Variants in KLRD1 observed in about 807,000 individuals in gnomAD.
The protein encoded by KLRD1 is killer cell lectin like receptor D1.
KLRD1 carries 21 observed loss-of-function variants against 22.6 expected under a neutral mutation model. The ratio of observed to expected loss-of-function variants is 0.93; its 90% CI spans 0.66 to 1.34. The LOEUF is 1.34. Ranked by LOEUF, KLRD1 falls within the 40% of genes most tolerant of loss-of-function variation. The pLI, the probability that KLRD1 is intolerant of heterozygous loss-of-function variation, is 0.00. For synonymous variants in KLRD1, 59 were observed against 71.1 expected, an observed-to-expected ratio of 0.83 and a Z score of 0.85; for missense variants, 183 against 208.6, an observed-to-expected ratio of 0.88 and a Z score of 0.76.
chr12:10,261,967 G>A (rs913897986), intron 1 of KLRD1, among the ~76,000 whole-genome samples: 1 of 151,950 alleles, frequency 6.6e-6, no homozygotes, highest in African/African-American at 2.4e-5. Flanking sequence ...TCTATGTGAT[G>A]TTTTCCCCCA....
intron 1 of KLRD1, among the ~76,000 whole-genome samples, chr12:10,273,165 C>T (rs1346217125): frequency 6.6e-6 from 1 of 151,868 alleles, no homozygotes; most frequent in East Asian, 1.9e-4. Flanking sequence ...ATAATGAAAA[C>T]AATTAGTACT....
At chr12:10,281,444 T>C (rs1949641517) in intron 1 of KLRD1, among the ~76,000 whole-genome samples, 2 of 152,048 alleles carry the variant, frequency 1.3e-5, no homozygotes, top group Admixed American at 6.6e-5. Flanking sequence ...GAGTGATAGG[T>C]GGGATATAGC....
Position 10,315,186 on chromosome 12 carries a change from A to C in KLRD1, c.*393A>C. 8.7e-6 allele frequency: 3 copies of C among 345,804 alleles called. No homozygotes were observed. The highest frequency in any genetic ancestry group is 1.7e-5 in the Non-Finnish European group (3 of 179,014). 21.4% of individuals were successfully genotyped at this position (345,804 alleles called of 1,614,324 possible). Reference sequence around the variant, plus strand: ...TAACTCACACTGCCCAGGCTGGAGCATAGTGGCAAGATCATAGCTCATTGC... The same window carrying C: ...TAACTCACACTGCCCAGGCTGGAGCCTAGTGGCAAGATCATAGCTCATTGC... On this transcript the variant is annotated 3_prime_UTR_variant, in exon 6 of 6. Coordinates refer to ENST00000336164, the MANE Select transcript of KLRD1 (RefSeq NM_002262.5).
At position 10,309,440 on chromosome 12, in the gene KLRD1, C is replaced by A. The variant is rs1592083822; in HGVS notation, c.60C>A (p.Cys20Ter). ...TTTCTGGGACCTTAGGGATAATATG[C>A]CTTTCGTTGATGTCTACGTTGGGAA... ...RLISGTLGIICLSLMSTLGIL... is the reference protein window; with the variant it reads ...RLISGTLGII Residue 20 changes from cysteine to a stop codon, truncating the protein, a stop_gained, in exon 2 of 6, where the codon TGC becomes TGA. Transcript: ENST00000336164. LOFTEE classifies it high-confidence loss of function. 6.4e-7 allele frequency: 1 copy of A among 1,554,048 alleles called. No individual in the cohort carries two copies. The highest frequency in any genetic ancestry group is 8.9e-7 in the Non-Finnish European group (1 of 1,125,052).
chr12:10,270,426 C>G (rs1949539039), intron 1 of KLRD1, among the ~76,000 whole-genome samples: 3 of 152,110 alleles, frequency 2.0e-5, no homozygotes, highest in Non-Finnish European at 1.5e-5. Flanking sequence ...ATCACAGCAA[C>G]AATGCACCAT....
intron 1 of KLRD1, among the ~76,000 whole-genome samples, chr12:10,282,258 ATT>A (rs753332995): frequency 2.8e-5 from 4 of 143,458 alleles, no homozygotes; most frequent in Non-Finnish European, 4.6e-5. Flanking sequence ...GTATACATAC[ATT>A]TTTTTTTTTT....
chr12:10,293,179 C>CATACAT (rs1949792874), intron 1 of KLRD1, among the ~76,000 whole-genome samples: 1 of 6,446 alleles, frequency 1.6e-4, no homozygotes, highest in African/African-American at 3.2e-4. Context: ...CACATATACA[C>CATACAT]ATAATTCGCA....
At chr12:10,282,920 T>C (rs1949659528) in intron 1 of KLRD1, among the ~76,000 whole-genome samples, 2 of 152,156 alleles carry the variant, frequency 1.3e-5, no homozygotes, top group East Asian at 1.9e-4. Flanking sequence ...TGAGCAGAAA[T>C]AGGTAGAAAT....
rs1950383933 is a variant in KLRD1, at chr12:10,328,809, C to T, written c.*14016C>T. The T allele has an allele frequency of 6.6e-6, 1 of 152,228 alleles. No homozygotes were observed. Among genetic ancestry groups the T allele is most frequent in the Admixed American group, 6.6e-5 (1 of 15,256 alleles). The allele number at this position is 152,228 out of a possible 1,614,324, so 9.4% of individuals were successfully genotyped here. A position where few individuals can be genotyped will look rare whatever the true frequency, so the allele number is the denominator to read the frequency against. On this transcript the variant is annotated 3_prime_UTR_variant, in exon 6 of 6. Coordinates refer to ENST00000336164, the MANE Select transcript of KLRD1 (RefSeq NM_002262.5). ...TGTAAAGAAAAAGAGGTTTAATGGACTCACAGTTCCACGTGGCTGGGGAGG... is the reference window on the plus strand; with the variant it reads ...TGTAAAGAAAAAGAGGTTTAATGGATTCACAGTTCCACGTGGCTGGGGAGG...
At chr12:10,294,605 G>A (rs904676130) in intron 1 of KLRD1, among the ~76,000 whole-genome samples, 1 of 103,324 alleles carries the variant, frequency 9.7e-6, no homozygotes, top group African/African-American at 2.6e-5. Flanking sequence ...TCACCACATT[G>A]GCCAGGCTAG....
In KLRD1 at chr12:10,328,438, G is replaced by A. The variant is rs2137759627; in HGVS notation, c.*13645G>A. The A allele has an allele frequency of 6.6e-6, 1 of 151,640 alleles. No individual in the cohort carries two copies. The highest frequency in any genetic ancestry group is 1.9e-4 in the East Asian group (1 of 5,162). 9.4% of individuals were successfully genotyped at this position (151,640 alleles called of 1,614,324 possible). ...TTTCTTCTAGGTTATCCAATTTGTT[G>A]GCCTATAATTGTTCTTAGTTGTCTC... On this transcript the variant is annotated 3_prime_UTR_variant, in exon 6 of 6. Coordinates refer to ENST00000336164, the MANE Select transcript of KLRD1 (RefSeq NM_002262.5).
At chr12:10,255,576 AT>A (rs1487804403) in intron 1 of KLRD1, among the ~76,000 whole-genome samples, 1 of 151,858 alleles carries the variant, frequency 6.6e-6, no homozygotes, top group Non-Finnish European at 1.5e-5. Flanking sequence ...TTTCCCTTGT[AT>A]TTTTTCTTTG....
Position 10,319,468 on chromosome 12 carries a change from G to A in KLRD1, c.*4675G>A, listed in dbSNP as rs1167531552. ...TTCCACATTGTATCAAGGTTGCTCT[G>A]TGTGACCAATGAAATAAAGTGGAAA... is the stretch of plus-strand genomic sequence containing the variant. On this transcript the variant is annotated 3_prime_UTR_variant, in exon 6 of 6. Coordinates refer to ENST00000336164, the MANE Select transcript of KLRD1 (RefSeq NM_002262.5). 1 of 152,194 alleles carries A rather than the reference G, an allele frequency of 6.6e-6. No homozygotes were observed. The highest frequency in any genetic ancestry group is 1.5e-5 in the Non-Finnish European group (1 of 68,028). The allele number at this position is 152,194 out of a possible 1,614,324, so 9.4% of individuals were successfully genotyped here. A position where few individuals can be genotyped will look rare whatever the true frequency, so the allele number is the denominator to read the frequency against.
chr12:10,313,320 C>G (rs1344408382), intron 4 of KLRD1, 90 bp from the exon 5 acceptor site: 1 of 674,722 alleles, frequency 1.5e-6, no homozygotes, highest in Non-Finnish European at 2.5e-6. Flanking sequence ...CAGGCTGAAT[C>G]TTATTCTAAA....
intron 1 of KLRD1, among the ~76,000 whole-genome samples, chr12:10,264,401 A>C (rs1949480885): frequency 6.6e-6 from 1 of 152,194 alleles, no homozygotes; most frequent in South Asian, 2.1e-4. Context: ...TATTCACTAC[A>C]CTTAAACTAT....
rs1565478849 is a variant in KLRD1, at chr12:10,322,473, G to GT, written c.*7687dup. On this transcript the variant is annotated 3_prime_UTR_variant, in exon 6 of 6. Transcript: ENST00000336164. ...CCAGATTAAAATTTTTTGTTTTTTG[G>GT]TTTTTTTAGTTCTCAATTATGTTGT... is the stretch of plus-strand genomic sequence containing the variant. 1 of 151,826 alleles carries GT rather than the reference G, an allele frequency of 6.6e-6. No homozygotes were observed. Among genetic ancestry groups the GT allele is most frequent in the Non-Finnish European group, 1.5e-5 (1 of 67,932 alleles). 9.4% of individuals were successfully genotyped at this position (151,826 alleles called of 1,614,324 possible). A position where few individuals can be genotyped will look rare whatever the true frequency, so the allele number is the denominator to read the frequency against.
intron 1 of KLRD1, among the ~76,000 whole-genome samples, chr12:10,244,806 A>G (rs11053705): frequency 3.2e-5 from 2 of 62,868 alleles, no homozygotes; most frequent in Admixed American, 4.8e-4. Flanking sequence ...AACAAACAAA[A>G]AAAAAACCAA....
chr12:10,252,365 G>A (rs955886543), intron 1 of KLRD1, among the ~76,000 whole-genome samples: 7 of 152,194 alleles, frequency 4.6e-5, no homozygotes, highest in East Asian at 1.9e-4. Flanking sequence ...TTAGCTGGGC[G>A]TGGCGATGTG....
intron 1 of KLRD1, among the ~76,000 whole-genome samples, chr12:10,254,975 CT>C (rs1204063931): frequency 6.7e-6 from 1 of 149,242 alleles, no homozygotes; most frequent in Non-Finnish European, 1.5e-5. Context: ...TACTTGTGGC[CT>C]ACAAGCACAT....
Sources: gnomAD v4.1 joint callset for allele counts (sites outside exome capture counted in the v4.1 genomes callset) on GRCh38, gnomAD v4.1.1 for gene constraint, MANE v1.5 for transcripts, NCBI Gene and HGNC (gene_info 2026-07-23, HGNC 2026-07-21) for gene names.